XRRA1: variants seen among roughly 807,000 people sequenced by gnomAD.
XRRA1 encodes the protein X-ray radiation resistance associated 1.
A neutral mutation model predicts 80.2 loss-of-function variants in XRRA1; 69 were observed. The observed-to-expected ratio is 0.86, with a 90% CI of 0.71 to 1.05. The LOEUF (loss-of-function observed/expected upper bound fraction) is 1.05. XRRA1 is among the 50% of genes least tolerant of loss of function. The pLI, the probability that XRRA1 is intolerant of heterozygous loss-of-function variation, is 0.00. For missense variants in XRRA1, 967 were observed against 976.4 expected (o/e 0.99, Z 0.13); for synonymous variants, 348 against 389.9 (o/e 0.89, Z 1.27).
At chr11:74,874,097 A>G (rs1315869318) in intron 10 of XRRA1, among the ~76,000 whole-genome samples, 2 of 151,898 alleles carry the variant, frequency 1.3e-5, no homozygotes, top group Non-Finnish European at 2.9e-5. Context: ...TTAGCTGGGC[A>G]TGGTGGCACA....
At chr11:74,884,767 C>T (rs1356298951) in intron 10 of XRRA1, among the ~76,000 whole-genome samples, 3 of 152,144 alleles carry the variant, frequency 2.0e-5, no homozygotes, top group South Asian at 2.1e-4. Context: ...ATCTCTGGGA[C>T]ACAGCTAAGG....
intron 8 of XRRA1, among the ~76,000 whole-genome samples, chr11:74,909,039 C>A (rs77686898): frequency 4.6e-5 from 7 of 152,128 alleles, no homozygotes; most frequent in African/African-American, 1.7e-4. Context: ...CCCTCAGGCA[C>A]GGCTGTGAGA....
chr11:74,857,323 A>T (rs2041340758), intron 12 of XRRA1, among the ~76,000 whole-genome samples: 1 of 152,234 alleles, frequency 6.6e-6, no homozygotes, highest in Admixed American at 6.5e-5. Context: ...CCATGCAAAC[A>T]GTAAGTATAA....
At chr11:74,877,235 T>C (rs751245216) in intron 10 of XRRA1, among the ~76,000 whole-genome samples, 2 of 152,158 alleles carry the variant, frequency 1.3e-5, no homozygotes, top group Non-Finnish European at 2.9e-5. Context: ...TCACAAGTCA[T>C]AAAAGATAGC....
At chr11:74,855,314 G>A (rs1398202394) in intron 12 of XRRA1, among the ~76,000 whole-genome samples, 2 of 152,150 alleles carry the variant, frequency 1.3e-5, no homozygotes, top group African/African-American at 4.8e-5. Context: ...AATGGGAGAT[G>A]CAGAATTTAA....
At position 74,907,183 on chromosome 11, in the gene XRRA1, GGA is replaced by G. The variant is rs764616878; in HGVS notation, c.745_746del (p.Ser249GlnfsTer21). On this transcript the variant is annotated frameshift_variant, in exon 9 of 19. Coordinates refer to ENST00000684022, the MANE Select transcript of XRRA1 (RefSeq NM_001378157.1). LOFTEE classifies it high-confidence loss of function. Reference protein sequence around the residue: ...ETLMLDDNRLSNPSCFASLAG... With the variant: ...ETLMLDDNRLXNPSCFASLAG... ...CCAGGCTGGCAAAGCAACTGGGGTT[GGA>G]GAGTCTGTTGTCATCCAGCATCAGT... is the stretch of plus-strand genomic sequence containing the variant. 1.9e-6 allele frequency: 3 copies of G among 1,613,980 alleles called. No homozygotes were observed. Among genetic ancestry groups the G allele is most frequent in the South Asian group, 2.2e-5 (2 of 91,078 alleles).
At chr11:74,936,804 C>T (rs2139741901) in intron 4 of XRRA1, 80 bp downstream of exon 4, 1 of 1,470,952 alleles carries the variant, frequency 6.8e-7, no homozygotes, top group Non-Finnish European at 9.1e-7. Context: ...GGTAGTTGTG[C>T]CAGAGCAGGG....
At chr11:74,917,965 T>C (rs114649260) in intron 8 of XRRA1, among the ~76,000 whole-genome samples, 1,374 of 95,040 alleles carry the variant, frequency 0.014, 27 homozygotes, top group African/African-American at 0.056. Flanking sequence ...ATTGCTGTTA[T>C]ACCTTGAGGT....
chr11:74,853,064 C>A lies in XRRA1; in HGVS notation c.1171-982G>T, dbSNP rs114830292. Among the ~76,000 whole-genome samples, 966 of 152,310 alleles carry A rather than the reference C, an allele frequency of 6.3e-3. 11 individuals carry two copies. Among genetic ancestry groups the A allele is most frequent in the African/African-American group, 0.022 (933 of 41,562 alleles). On this transcript the variant is annotated intron_variant, in intron 12 of 18. Coordinates refer to ENST00000684022, the MANE Select transcript of XRRA1 (RefSeq NM_001378157.1). ...TACTGAATACCTACCATGTCCCAGG[C>A]ACTTTGTTAGGAATGAGCAAAACAG...
intron 15 of XRRA1, 113 bp from the exon 16 acceptor site, chr11:74,845,384 G>A (rs554050463): frequency 1.1e-5 from 12 of 1,049,416 alleles, no homozygotes; most frequent in African/African-American, 9.6e-5. Flanking sequence ...AAGGGCAAGG[G>A]TAAGACCAAG....
chr11:74,946,202 CAA>C (rs1419642534), intron 1 of XRRA1, among the ~76,000 whole-genome samples: 1 of 152,200 alleles, frequency 6.6e-6, no homozygotes, highest in Non-Finnish European at 1.5e-5. Flanking sequence ...CTCAGCCTCT[CAA>C]AGTGTTGGGA....
rs1308506384 is a variant in XRRA1 at position 74,937,001 on chromosome 11, T to A, written c.162A>T (p.Ala54=). The A allele has an allele frequency of 6.2e-7, 1 of 1,613,934 alleles. No individual in the cohort carries two copies. The highest frequency in any genetic ancestry group is 1.1e-5 in the South Asian group (1 of 91,056). The change falls in exon 4 of 19, where the codon GCA becomes GCT. Residue 54 remains alanine (A), a synonymous_variant. Transcript: ENST00000684022. The part of the protein sequence containing the change: ...LKKKPKGLVG[A]QAERRESLKA... The stretch of plus-strand genomic sequence containing the variant: ...TCAGGCTTTCCCGACGTTCAGCTTG[T>A]GCTCCAACCAAACCCTTGGGCTTCT...
chr11:74,917,390 C>T (rs1015895444), intron 8 of XRRA1, among the ~76,000 whole-genome samples: 12 of 151,612 alleles, frequency 7.9e-5, no homozygotes, highest in Admixed American at 2.0e-4. Context: ...CCCTGGAAGA[C>T]GTAAACTTTT....
intron 10 of XRRA1, among the ~76,000 whole-genome samples, chr11:74,889,906 G>A (rs999867218): frequency 2.0e-5 from 3 of 152,050 alleles, no homozygotes; most frequent in Non-Finnish European, 4.4e-5. Flanking sequence ...TAAAGCAAGT[G>A]CTTAGAGACC....
chr11:74,929,804 C>T (rs1230395978), intron 6 of XRRA1, among the ~76,000 whole-genome samples: 1 of 152,178 alleles, frequency 6.6e-6, no homozygotes, highest in Non-Finnish European at 1.5e-5. Context: ...CACTGCTCTC[C>T]CCTCATCCTG....
Position 74,859,427 on chromosome 11 carries a change from G to T in XRRA1, c.1045-144C>A, listed in dbSNP as rs561046056. The T allele has an allele frequency of 1.0e-5, 9 of 882,936 alleles. No homozygotes were observed. In the African/African-American group the frequency reaches 1.4e-4, roughly 14 times the overall value. 54.7% of individuals were successfully genotyped at this position (882,936 alleles called of 1,614,324 possible). On this transcript the variant is annotated intron_variant, in intron 11 of 18. Coordinates refer to ENST00000684022, the MANE Select transcript of XRRA1 (RefSeq NM_001378157.1). ...CAAAAGAGACATGTAGGGTCATAAG[G>T]GTAGATGTCGCCATCAGCCCAGAAT...
At chr11:74,872,454 AAG>A (rs1282143514) in intron 10 of XRRA1, among the ~76,000 whole-genome samples, 1 of 152,152 alleles carries the variant, frequency 6.6e-6, no homozygotes, top group Non-Finnish European at 1.5e-5. Context: ...GCCCTGGAGA[AAG>A]AGAGGAAACG....
intron 10 of XRRA1, among the ~76,000 whole-genome samples, chr11:74,869,663 T>A (rs899595778): frequency 1.3e-5 from 2 of 152,310 alleles, no homozygotes; most frequent in Admixed American, 1.3e-4. Flanking sequence ...GCGACCATTT[T>A]TTTGTGCCCT....
chr11:74,895,786 T>G (rs76955367), intron 10 of XRRA1, among the ~76,000 whole-genome samples: 56 of 152,286 alleles, frequency 3.7e-4, no homozygotes, highest in South Asian at 2.5e-3. Context: ...CAGGCCCTAG[T>G]TCTTAAACAT....
Sources: gnomAD v4.1 joint callset for allele counts (sites outside exome capture counted in the v4.1 genomes callset) on GRCh38, gnomAD v4.1.1 for gene constraint, MANE v1.5 for transcripts, NCBI Gene and HGNC (gene_info 2026-07-23, HGNC 2026-07-21) for gene names.